The following RNF4 variants were observed in gnomAD, a reference collection of about 807,000 sequenced individuals.
RNF4 encodes the protein E3 ubiquitin-protein ligase RNF4.
A neutral mutation model predicts 24.3 loss-of-function variants in RNF4; 7 were observed. The observed-to-expected ratio is 0.29, with a 90% confidence interval of 0.16 to 0.54. The LOEUF (loss-of-function observed/expected upper bound fraction) is 0.54, where lower values mean the gene tolerates loss of function less well. Among genes scored for constraint, RNF4 ranks in the 20% least tolerant of loss-of-function variants. RNF4 has a pLI of 0.95. For synonymous variants in RNF4, 83 were observed against 84.3 expected, an observed-to-expected ratio of 0.98 and a Z score of 0.09; for missense variants, 209 against 248.5, an observed-to-expected ratio of 0.84 and a Z score of 1.07.
chr4:2,500,237 G>T (rs906024022), intron 3 of RNF4, among the ~76,000 whole-genome samples: 3 of 152,080 alleles, frequency 2.0e-5, no homozygotes, highest in African/African-American at 7.2e-5. Context: ...TGGTCCTTGG[G>T]CCAAGTGAGA....
chr4:2,477,356 G>A (rs1735109251), intron 1 of RNF4, among the ~76,000 whole-genome samples: 1 of 152,076 alleles, frequency 6.6e-6, no homozygotes, highest in Admixed American at 6.5e-5. Context: ...GGAGGCCAAG[G>A]CGGGCGGATC....
intron 1 of RNF4, among the ~76,000 whole-genome samples, chr4:2,485,401 A>G (rs1735376762): frequency 6.6e-6 from 1 of 152,124 alleles, no homozygotes; most frequent in South Asian, 2.1e-4. Flanking sequence ...CCAAGTTTTC[A>G]CACATTCTGA....
rs1736392574 is a variant in RNF4, at chr4:2,515,595, A to G, written c.*1776A>G. 1 of 152,436 alleles carries G rather than the reference A, an allele frequency of 6.6e-6. No individual in the cohort carries two copies. Among genetic ancestry groups the G allele is most frequent in the Non-Finnish European group, 1.5e-5 (1 of 68,050 alleles). The allele number at this position is 152,436 out of a possible 1,614,324, so 9.4% of individuals were successfully genotyped here. ...TAAAATTTAAGTTTTGTCCTTAAAG[A>G]CAACTTCAGTGGTTAATTATAAAAG... is the stretch of plus-strand genomic sequence containing the variant. On this transcript the variant is annotated 3_prime_UTR_variant, in exon 8 of 8. Transcript: ENST00000314289.
At chr4:2,500,940 C>T (rs1383606783) in intron 4 of RNF4, among the ~76,000 whole-genome samples, 3 of 152,200 alleles carry the variant, frequency 2.0e-5, no homozygotes, top group South Asian at 2.1e-4. Context: ...CATTCAGTGA[C>T]GAGAGCCCAA....
Position 2,500,864 on chromosome 4 carries a change from T to A in RNF4, c.204+126T>A. ...AGCTTATGCTAAAGAAGTTCATGCATCTTGTGGAATTGAGCTTTTAGAAAG... is the reference window on the plus strand; with the variant it reads ...AGCTTATGCTAAAGAAGTTCATGCAACTTGTGGAATTGAGCTTTTAGAAAG... On this transcript the variant is annotated intron_variant, in intron 4 of 7. Transcript: ENST00000314289. The A allele has an allele frequency of 1.0e-5, 8 of 783,152 alleles. No homozygotes were observed. In the South Asian group the frequency reaches 1.3e-4, roughly 12 times the overall value. The allele number at this position is 783,152 out of a possible 1,614,324, so 48.5% of individuals were successfully genotyped here. A position where few individuals can be genotyped will look rare whatever the true frequency, so the allele number is the denominator to read the frequency against.
At chr4:2,481,853 G>A (rs867408837) in intron 1 of RNF4, among the ~76,000 whole-genome samples, 2 of 152,110 alleles carry the variant, frequency 1.3e-5, no homozygotes, top group African/African-American at 2.4e-5. Context: ...GACTACAGTC[G>A]TACACCACTA....
chr4:2,486,841 A>G (rs1367100343), intron 1 of RNF4, among the ~76,000 whole-genome samples: 1 of 152,164 alleles, frequency 6.6e-6, no homozygotes, highest in African/African-American at 2.4e-5. Flanking sequence ...TCTCTTTTCT[A>G]AATTCTAAGA....
intron 4 of RNF4, among the ~76,000 whole-genome samples, chr4:2,506,444 A>C (rs1736102864): frequency 6.6e-6 from 1 of 151,660 alleles, no homozygotes; most frequent in African/African-American, 2.4e-5. Context: ...AGCCTCCCAA[A>C]GTGCTAGGAT....
rs566656971 is a variant in RNF4, at chr4:2,477,793, G to A, written c.-158+8535G>A. The stretch of plus-strand genomic sequence containing the variant: ...TCTCAGGTATGTCTTTATTAGCATC[G>A]TGAAAACATACTGGTACAGTAAGTT... On this transcript the variant is annotated intron_variant, in intron 1 of 7. Coordinates refer to ENST00000314289, the MANE Select transcript of RNF4 (RefSeq NM_002938.5). Among the ~76,000 whole-genome samples, 143 of 152,232 alleles carry A rather than the reference G, an allele frequency of 9.4e-4. 1 individual carries two copies. Among genetic ancestry groups the A allele is most frequent in the Middle Eastern group, 3.4e-3 (1 of 294 alleles).
intron 3 of RNF4, among the ~76,000 whole-genome samples, chr4:2,498,807 C>T (rs956703770): frequency 2.0e-5 from 3 of 152,166 alleles, no homozygotes; most frequent in Non-Finnish European, 4.4e-5. Context: ...AGGAGGATCA[C>T]TTGAGCCTGG....
At chr4:2,496,146 G>T (rs890817002) in intron 2 of RNF4, among the ~76,000 whole-genome samples, 1 of 152,148 alleles carries the variant, frequency 6.6e-6, no homozygotes, top group Non-Finnish European at 1.5e-5. Context: ...AAACAGCTTT[G>T]GTTCTTTGAG....
intron 1 of RNF4, among the ~76,000 whole-genome samples, chr4:2,486,722 A>G (rs1363433148): frequency 6.6e-6 from 1 of 152,148 alleles, no homozygotes; most frequent in African/African-American, 2.4e-5. Flanking sequence ...TGGAAGCCTC[A>G]ATATCAGTGA....
chr4:2,474,252 C>G (rs752094829), intron 1 of RNF4, among the ~76,000 whole-genome samples: 4 of 149,928 alleles, frequency 2.7e-5, no homozygotes, highest in Non-Finnish European at 5.9e-5. Flanking sequence ...GTGGCACGCA[C>G]CTGTAATCGC....
At chr4:2,481,063 G>A (rs1021037484) in intron 1 of RNF4, 3 of 152,216 alleles carry the variant, frequency 2.0e-5, no homozygotes, top group Admixed American at 2.0e-4. Context: ...ACATAGATCA[G>A]TCACCTCAGT....
At chr4:2,502,844 A>C (rs1348231072) in intron 4 of RNF4, among the ~76,000 whole-genome samples, 1 of 12,244 alleles carries the variant, frequency 8.2e-5, no homozygotes, top group Non-Finnish European at 1.4e-4. Context: ...ACTCTGTCTC[A>C]AAAAAAAAAA....
intron 4 of RNF4, among the ~76,000 whole-genome samples, chr4:2,511,286 C>A (rs1423993072): frequency 8.6e-6 from 1 of 116,904 alleles, no homozygotes; most frequent in African/African-American, 3.3e-5. Context: ...GGAAGGTCCC[C>A]AGGTCTTGCA....
chr4:2,477,809 A>C (rs747770323), intron 1 of RNF4, among the ~76,000 whole-genome samples: 1 of 152,180 alleles, frequency 6.6e-6, no homozygotes, highest in South Asian at 2.1e-4. Flanking sequence ...ACATACTGGT[A>C]CAGTAAGTTG....
intron 3 of RNF4, among the ~76,000 whole-genome samples, chr4:2,500,024 G>A (rs1735859656): frequency 6.6e-6 from 1 of 152,096 alleles, no homozygotes; most frequent in South Asian, 2.1e-4. Flanking sequence ...CAGGCATGCT[G>A]CCAGGCGCCT....
chr4:2,483,425 T>G (rs1735301240), intron 1 of RNF4, among the ~76,000 whole-genome samples: 1 of 152,190 alleles, frequency 6.6e-6, no homozygotes, highest in Non-Finnish European at 1.5e-5. Context: ...ATACCCTCAT[T>G]TGTATAATGA....
Sources: gnomAD v4.1 joint callset for allele counts (sites outside exome capture counted in the v4.1 genomes callset) on GRCh38, gnomAD v4.1.1 for gene constraint, MANE v1.5 for transcripts, NCBI Gene and HGNC (gene_info 2026-07-23, HGNC 2026-07-21) for gene names.